SENP6: variants seen among roughly 807,000 people sequenced by gnomAD.
SENP6 encodes sentrin-specific protease 6.
Under a neutral mutation model 134.5 loss-of-function variants are expected in SENP6, and 41 were observed. The observed-to-expected ratio is 0.30, with a 90% CI of 0.24 to 0.40. The LOEUF (loss-of-function observed/expected upper bound fraction) is 0.40. SENP6 is among the 10% of genes least tolerant of loss of function. The pLI, the probability that SENP6 is intolerant of heterozygous loss-of-function variation, is 1.00. For synonymous variants in SENP6, 395 were observed against 429.8 expected, an observed-to-expected ratio of 0.92 and a Z score of 1.00; for missense variants, 1,248 against 1,312.5, an observed-to-expected ratio of 0.95 and a Z score of 0.76.
chr6:75,701,633 C>CT (rs60715314), intron 18 of SENP6, among the ~76,000 whole-genome samples: 41,241 of 79,350 alleles, frequency 0.52, 9,409 homozygotes, highest in Admixed American at 0.63. Flanking sequence ...ACAGTTTAAT[C>CT]TTTTTTTTTT....
chr6:75,682,405 C>CT (rs57414064), intron 16 of SENP6, among the ~76,000 whole-genome samples: 29,296 of 146,592 alleles, frequency 0.2, 3,214 homozygotes, highest in African/African-American at 0.31. Context: ...GGATTATATT[C>CT]TTTTTTTTTT....
intron 1 of SENP6, among the ~76,000 whole-genome samples, chr6:75,609,650 A>G (rs1767294842): frequency 6.6e-6 from 1 of 152,262 alleles, no homozygotes; most frequent in South Asian, 2.1e-4. Flanking sequence ...ATGAAACCCA[A>G]AATCCAACTT....
intron 4 of SENP6, among the ~76,000 whole-genome samples, chr6:75,634,306 T>C (rs1049614325): frequency 1.3e-5 from 2 of 152,138 alleles, no homozygotes; most frequent in Non-Finnish European, 2.9e-5. Flanking sequence ...AGTATTCTGC[T>C]TTATTTTTTA....
At chr6:75,705,734 TTTC>T (rs976819582) in intron 19 of SENP6, among the ~76,000 whole-genome samples, 6 of 119,298 alleles carry the variant, frequency 5.0e-5, no homozygotes, top group Non-Finnish European at 5.5e-5. Flanking sequence ...CTAATACATT[TTTC>T]TTCTTTTTTT....
At chr6:75,709,382 T>G in intron 19 of SENP6, 145 bp from the exon 20 acceptor site, 1 of 524,206 alleles carries the variant, frequency 1.9e-6, no homozygotes, top group South Asian at 3.4e-5. Flanking sequence ...TAACTTACTT[T>G]ATGTTTGTGA....
intron 7 of SENP6, among the ~76,000 whole-genome samples, chr6:75,656,798 AGAGCC>A (rs1771377897): frequency 6.6e-6 from 1 of 152,100 alleles, no homozygotes; most frequent in South Asian, 2.1e-4. Context: ...TCTTTCTTTC[AGAGCC>A]TTATAAATAA....
chr6:75,643,332 A>G, intron 6 of SENP6, among the ~76,000 whole-genome samples: 1 of 152,344 alleles, frequency 6.6e-6, no homozygotes, highest in Non-Finnish European at 1.5e-5. Context: ...ATACTAAAAT[A>G]ACAATGTGAA....
intron 1 of SENP6, chr6:75,611,172 C>T (rs764845685): frequency 1.3e-5 from 2 of 152,216 alleles, no homozygotes; most frequent in African/African-American, 4.8e-5. Flanking sequence ...CCTGCTGACT[C>T]TGCTTCTGTG....
chr6:75,624,870 C>T (rs1386786345), intron 3 of SENP6, among the ~76,000 whole-genome samples: 1 of 151,986 alleles, frequency 6.6e-6, no homozygotes, highest in Non-Finnish European at 1.5e-5. Flanking sequence ...TAGTGGCTCA[C>T]GCCTATAATC....
At chr6:75,603,208 T>G (rs558556417) in intron 1 of SENP6, among the ~76,000 whole-genome samples, 55 of 152,328 alleles carry the variant, frequency 3.6e-4, no homozygotes, top group African/African-American at 1.1e-3. Flanking sequence ...TTGACACAAT[T>G]TGAGTTTTAC....
chr6:75,682,563 A>G (rs926662511), intron 16 of SENP6, among the ~76,000 whole-genome samples: 3 of 151,956 alleles, frequency 2.0e-5, no homozygotes, highest in African/African-American at 7.3e-5. Context: ...CCAGCCCTCC[A>G]TCCCACAACA....
chr6:75,624,418 C>T (rs556319951), intron 3 of SENP6, among the ~76,000 whole-genome samples: 6 of 152,106 alleles, frequency 3.9e-5, no homozygotes, highest in Admixed American at 6.6e-5. Context: ...CACATACAAG[C>T]GTATCTGTAG....
At position 75,602,581 on chromosome 6, in the gene SENP6, G is replaced by C; in HGVS notation, c.52+5G>C. ...GGGAGATTACTTTTCTGGAAGGTAC[G>C]TCTGTTTCTGCCCTTGACGGGGAGA... is the stretch of plus-strand genomic sequence containing the variant. On this transcript the variant is annotated splice_donor_5th_base_variant and intron_variant, in intron 1 of 23. Coordinates refer to ENST00000447266, the MANE Select transcript of SENP6 (RefSeq NM_015571.4). The C allele has an allele frequency of 1.3e-6, 2 of 1,551,350 alleles. No individual in the cohort carries two copies. The highest frequency in any genetic ancestry group is 1.7e-6 in the Non-Finnish European group (2 of 1,146,786).
intron 9 of SENP6, among the ~76,000 whole-genome samples, chr6:75,663,773 G>A (rs1430263095): frequency 1.4e-5 from 2 of 144,400 alleles, no homozygotes; most frequent in Non-Finnish European, 3.0e-5. Flanking sequence ...TAATCTTTCT[G>A]ATCTGTAAAT....
At chr6:75,683,673 T>C (rs1317152408) in intron 16 of SENP6, among the ~76,000 whole-genome samples, 1 of 152,198 alleles carries the variant, frequency 6.6e-6, no homozygotes, top group Non-Finnish European at 1.5e-5. Flanking sequence ...CCGTTTCTTG[T>C]TTTTGTCAGG....
intron 1 of SENP6, chr6:75,611,036 T>C (rs1415893614): frequency 7.9e-6 from 1 of 126,388 alleles, no homozygotes; most frequent in East Asian, 2.1e-4. Context: ...GAATTTAAAC[T>C]GTTTAGTAAC....
chr6:75,677,945 A>C (rs1319663995), intron 14 of SENP6: 1 of 152,394 alleles, frequency 6.6e-6, no homozygotes, highest in African/African-American at 2.4e-5. Flanking sequence ...TCCACAGCGC[A>C]ATCTTGGTGA....
intron 23 of SENP6, 25 bp downstream of exon 23, chr6:75,713,850 C>A: frequency 1.3e-6 from 2 of 1,496,950 alleles, no homozygotes; most frequent in Non-Finnish European, 1.8e-6. Flanking sequence ...GTTGGATCTG[C>A]TATAATAAAT....
intron 16 of SENP6, among the ~76,000 whole-genome samples, chr6:75,690,498 C>G (rs1774163650): frequency 6.6e-6 from 1 of 152,018 alleles, no homozygotes; most frequent in Non-Finnish European, 1.5e-5. Flanking sequence ...TTCATAGAAA[C>G]AGAAAATAGA....
Sources: allele counts gnomAD v4.1 joint callset (sites outside exome capture counted in the v4.1 genomes callset), GRCh38; gene constraint gnomAD v4.1.1; transcripts MANE v1.5; gene names NCBI Gene and HGNC (gene_info 2026-07-23, HGNC 2026-07-21).